NECTIN3: variants seen among roughly 807,000 people sequenced by gnomAD.
NECTIN3 encodes the protein nectin cell adhesion molecule 3.
NECTIN3 carries 8 observed loss-of-function variants against 49.4 expected under a neutral mutation model. The ratio of observed to expected loss-of-function variants is 0.16; its 90% CI spans 0.10 to 0.29. The LOEUF (loss-of-function observed/expected upper bound fraction) is 0.29, where lower values mean the gene tolerates loss of function less well. Ranked by LOEUF, NECTIN3 falls within the 10% of genes least tolerant of loss-of-function variation. NECTIN3 has a pLI of 1.00. For missense variants in NECTIN3, 581 were observed against 654.6 expected (o/e 0.89, Z 1.23); for synonymous variants, 277 against 241.1 (o/e 1.15, Z -1.38).
chr3:111,148,860 T>G (rs2034939117), intron 7 of NECTIN3, among the ~76,000 whole-genome samples: 1 of 152,150 alleles, frequency 6.6e-6, no homozygotes. Flanking sequence ...TACGTTTTTA[T>G]GTAGTAAAAA....
intron 1 of NECTIN3, chr3:111,072,461 GGGTT>G: frequency 6.5e-7 from 1 of 1,535,428 alleles, no homozygotes; most frequent in Non-Finnish European, 8.7e-7. Flanking sequence ...GCCGAACTCC[GGGTT>G]TGCTCCGGGG....
downstream of NECTIN3, among the ~76,000 whole-genome samples, chr3:111,139,704 ATCT>A (rs935365318): frequency 7.9e-5 from 12 of 151,654 alleles, no homozygotes; most frequent in African/African-American, 2.4e-4. Flanking sequence ...ATAACCTCAC[ATCT>A]TCTTCTGGTT....
chr3:111,111,090 G>A (rs2033440786), intron 1 of NECTIN3, among the ~76,000 whole-genome samples: 1 of 151,970 alleles, frequency 6.6e-6, no homozygotes. Flanking sequence ...CTTGGTTTGT[G>A]TATTTGTTCA....
At chr3:111,139,800 G>A (rs2034694772), downstream of NECTIN3, among the ~76,000 whole-genome samples, 1 of 151,658 alleles carries the variant, frequency 6.6e-6, no homozygotes, top group Non-Finnish European at 1.5e-5. Context: ...TATTATACAT[G>A]TGCTACTACA....
At chr3:111,098,187 G>A (rs770969478) in intron 1 of NECTIN3, among the ~76,000 whole-genome samples, 7 of 152,198 alleles carry the variant, frequency 4.6e-5, no homozygotes, top group Non-Finnish European at 8.8e-5. Context: ...CCTTTGAGCA[G>A]TGTGCAAGTC....
rs1189769795 is a variant in NECTIN3 at position 111,136,970 on chromosome 3, C to G, written c.*2755C>G. The G allele has an allele frequency of 9.2e-6, 9 of 976,638 alleles. No individual in the cohort carries two copies. Among genetic ancestry groups the G allele is most frequent in the Non-Finnish European group, 9.7e-6 (8 of 822,316 alleles). 60.5% of individuals were successfully genotyped at this position (976,638 alleles called of 1,614,324 possible). ...TGCCTAGTAGGGTTCTATTTGCTAA[C>G]TCTAATATTGAGGAAACTATTAAGG... On this transcript the variant is annotated 3_prime_UTR_variant, in exon 6 of 6. Coordinates refer to ENST00000485303, the MANE Select transcript of NECTIN3 (RefSeq NM_015480.3).
intron 1 of NECTIN3, among the ~76,000 whole-genome samples, chr3:111,084,257 T>C (rs977753576): frequency 4.0e-5 from 6 of 151,284 alleles, no homozygotes; most frequent in African/African-American, 1.2e-4. Flanking sequence ...GAGTGTGGAG[T>C]GATGTTGGGA....
chr3:111,122,286 C>T (rs754395200), intron 4 of NECTIN3, 48 bp downstream of exon 4: 1 of 1,354,616 alleles, frequency 7.4e-7, no homozygotes, highest in Non-Finnish European at 1.0e-6. Context: ...GTGAAACCTT[C>T]TTAAATCCCC....
chr3:111,108,498 G>T (rs1393963294), intron 1 of NECTIN3, among the ~76,000 whole-genome samples: 1 of 152,042 alleles, frequency 6.6e-6, no homozygotes, highest in Non-Finnish European at 1.5e-5. Flanking sequence ...ATATAATTAG[G>T]TTATTCCAAT....
In NECTIN3 at chr3:111,149,374, T is replaced by G. The variant is rs373428300; in HGVS notation, c.1221+1890T>G. On this transcript the variant is annotated intron_variant, in intron 7 of 8. Coordinates refer to the NECTIN3 transcript ENST00000493615. ...TTCCATAAAAATTCTATTGAACTCCTGAATTAATTTAGTAAGAATTGACAA... is the reference window on the plus strand; with the variant it reads ...TTCCATAAAAATTCTATTGAACTCCGGAATTAATTTAGTAAGAATTGACAA... 3.7e-4 allele frequency among the ~76,000 whole-genome samples: 56 copies of G among 152,124 alleles called. No individual in the cohort carries two copies. In the East Asian group the frequency reaches 7.9e-3, roughly 21 times the overall value.
At chr3:111,097,745 G>A (rs192611927) in intron 1 of NECTIN3, among the ~76,000 whole-genome samples, 79 of 152,268 alleles carry the variant, frequency 5.2e-4, no homozygotes, top group Non-Finnish European at 9.6e-4. Flanking sequence ...CTCCCTGATT[G>A]TGAGGCTTCT....
chr3:111,144,844 T>G, intron 5 of NECTIN3: 1 of 1,487,044 alleles, frequency 6.7e-7, no homozygotes, highest in South Asian at 1.2e-5. Context: ...AGGTATGCAA[T>G]TTCAAGAATT....
intron 5 of NECTIN3, chr3:111,144,850 G>T (rs1348200713): frequency 1.3e-5 from 19 of 1,491,692 alleles, no homozygotes; most frequent in Non-Finnish European, 6.3e-6. Flanking sequence ...GCAATTTCAA[G>T]AATTATTTTT....
downstream of NECTIN3, among the ~76,000 whole-genome samples, chr3:111,138,770 A>C (rs2034665330): frequency 6.6e-6 from 1 of 151,664 alleles, no homozygotes; most frequent in Non-Finnish European, 1.5e-5. Context: ...ATAACTTTAA[A>C]ATGTAATCTT....
chr3:111,072,130 CGCTGCT>C lies in NECTIN3; in HGVS notation c.123_128del (p.Leu42_Leu43del). The C allele has an allele frequency of 6.5e-7, 1 of 1,549,930 alleles. No individual in the cohort carries two copies. Among genetic ancestry groups the C allele is most frequent in the Non-Finnish European group, 8.7e-7 (1 of 1,146,492 alleles). On this transcript the variant is annotated inframe_deletion, in exon 1 of 6. Coordinates refer to ENST00000485303, the MANE Select transcript of NECTIN3 (RefSeq NM_015480.3). ...CTGCTGCAGCCCCCGACGCCACCTC[CGCTGCT>C]GCTGCTGCTCTTCCCGCTGCTGCTC...
chr3:111,181,248 T>C (rs569374667), intron 7 of NECTIN3, among the ~76,000 whole-genome samples: 1 of 152,286 alleles, frequency 6.6e-6, no homozygotes, highest in Non-Finnish European at 1.5e-5. Context: ...CCAATTTCTT[T>C]TGCTCAGTAT....
At chr3:111,093,672 G>T (rs576993079) in intron 1 of NECTIN3, among the ~76,000 whole-genome samples, 45 of 152,108 alleles carry the variant, frequency 3.0e-4, no homozygotes, top group Non-Finnish European at 4.7e-4. Flanking sequence ...CTAACCTCAG[G>T]TGATCCGCCT....
chr3:111,152,481 T>C, intron 7 of NECTIN3, among the ~76,000 whole-genome samples: 1 of 151,840 alleles, frequency 6.6e-6, no homozygotes, highest in East Asian at 1.9e-4. Flanking sequence ...TTTTGGTGGG[T>C]TTCTCCATCT....
intron 1 of NECTIN3, among the ~76,000 whole-genome samples, chr3:111,088,453 A>C (rs2032062281): frequency 6.6e-6 from 1 of 152,198 alleles, no homozygotes; most frequent in African/African-American, 2.4e-5. Flanking sequence ...GGGCTAAAGC[A>C]GGAAGTTTCT....
Sources: allele counts gnomAD v4.1 joint callset (sites outside exome capture counted in the v4.1 genomes callset), GRCh38; gene constraint gnomAD v4.1.1; transcripts MANE v1.5; gene names NCBI Gene and HGNC (gene_info 2026-07-23, HGNC 2026-07-21).